Variants in C10orf90 observed in about 807,000 individuals in gnomAD.
C10orf90 encodes chromosome 10 open reading frame 90.
C10orf90 carries 56 observed loss-of-function variants against 62.5 expected under a neutral mutation model. That is an observed-to-expected ratio of 0.90 (90% CI 0.72 to 1.12). The LOEUF (loss-of-function observed/expected upper bound fraction) is 1.12. Ranked by LOEUF, C10orf90 falls within the 50% of genes most tolerant of loss-of-function variation. The pLI, the probability that C10orf90 is intolerant of heterozygous loss-of-function variation, is 0.00. For synonymous variants in C10orf90, 386 were observed against 340.4 expected (o/e 1.13, Z -1.47); for missense variants, 970 against 880.4 (o/e 1.10, Z -1.29).
rs147763254 is a variant in C10orf90, at chr10:126,616,191, C to G, written c.313+30374G>C. 3.1e-3 allele frequency among the ~76,000 whole-genome samples: 475 copies of G among 152,284 alleles called. 2 individuals carry two copies. Among genetic ancestry groups the G allele is most frequent in the South Asian group, 0.015 (73 of 4,822 alleles). On this transcript the variant is annotated intron_variant, in intron 2 of 9. Coordinates refer to ENST00000488181, the MANE Select transcript of C10orf90 (RefSeq NM_001350921.2). ...TTATCTGTTCTAGGTGTGGAATAAA[C>G]TGGTTCTGCAAATGTGCCTCCACAT...
intron 2 of C10orf90, among the ~76,000 whole-genome samples, chr10:126,592,737 A>G (rs1280000803): frequency 2.6e-5 from 4 of 152,220 alleles, no homozygotes; most frequent in Admixed American, 1.3e-4. Flanking sequence ...AAAAGAAACC[A>G]TCAGCAGAGT....
At chr10:126,571,998 C>T (rs777638281) in intron 2 of C10orf90, among the ~76,000 whole-genome samples, 4 of 152,080 alleles carry the variant, frequency 2.6e-5, no homozygotes, top group Non-Finnish European at 5.9e-5. Flanking sequence ...TGCCCTGGTC[C>T]GGCATCGATG....
chr10:126,588,613 TA>T (rs377042282), intron 2 of C10orf90, among the ~76,000 whole-genome samples: 110 of 152,010 alleles, frequency 7.2e-4, no homozygotes, highest in African/African-American at 2.6e-3. Context: ...GCCTGACTAT[TA>T]AAAGAAAAGA....
At chr10:126,661,841 G>A (rs991754929) in intron 1 of C10orf90, among the ~76,000 whole-genome samples, 3 of 151,746 alleles carry the variant, frequency 2.0e-5, no homozygotes, top group African/African-American at 4.8e-5. Context: ...GCCCCATTAT[G>A]GTGATGTCTT....
chr10:126,503,896 A>G, intron 4 of C10orf90, 61 bp downstream of exon 4: 1 of 1,534,064 alleles, frequency 6.5e-7, no homozygotes, highest in Non-Finnish European at 8.8e-7. Flanking sequence ...AATTCACTCA[A>G]CAGTCACCTT....
At chr10:126,550,841 G>T (rs546683341) in intron 2 of C10orf90, among the ~76,000 whole-genome samples, 1 of 152,222 alleles carries the variant, frequency 6.6e-6, no homozygotes, top group African/African-American at 2.4e-5. Context: ...AACTGCACAT[G>T]AACCTATAAT....
chr10:126,634,706 G>A (rs1845915408), intron 2 of C10orf90, among the ~76,000 whole-genome samples: 1 of 152,152 alleles, frequency 6.6e-6, no homozygotes, highest in Non-Finnish European at 1.5e-5. Context: ...TAAAAACAAT[G>A]CAAGGTAGGT....
chr10:126,560,352 C>G (rs1302498086), intron 2 of C10orf90, among the ~76,000 whole-genome samples: 3 of 152,208 alleles, frequency 2.0e-5, no homozygotes, highest in Admixed American at 1.3e-4. Context: ...AACTATTTCT[C>G]ACTTTGCTGA....
intron 2 of C10orf90, among the ~76,000 whole-genome samples, chr10:126,638,936 A>C (rs1846006708): frequency 6.6e-6 from 1 of 152,212 alleles, no homozygotes; most frequent in South Asian, 2.1e-4. Flanking sequence ...TAGAGCAGCA[A>C]TCCTTCCCTC....
At chr10:126,432,577 A>G (rs1224846653) in intron 7 of C10orf90, among the ~76,000 whole-genome samples, 2 of 152,210 alleles carry the variant, frequency 1.3e-5, no homozygotes, top group Admixed American at 6.5e-5. Flanking sequence ...AGGGGAGGAG[A>G]TATTTAAACC....
At chr10:126,599,728 G>T (rs1374659809) in intron 2 of C10orf90, among the ~76,000 whole-genome samples, 1 of 151,982 alleles carries the variant, frequency 6.6e-6, no homozygotes, top group Admixed American at 6.6e-5. Context: ...CCTTCCAATT[G>T]TTAATATTAA....
intron 2 of C10orf90, among the ~76,000 whole-genome samples, chr10:126,515,011 G>A (rs1863358519): frequency 1.3e-5 from 2 of 152,232 alleles, no homozygotes; most frequent in South Asian, 2.1e-4. Flanking sequence ...TGCAGGTGAT[G>A]AGAAAGAAGA....
At chr10:126,443,244 A>T (rs1858514967) in intron 7 of C10orf90, among the ~76,000 whole-genome samples, 5 of 152,172 alleles carry the variant, frequency 3.3e-5, no homozygotes, top group Admixed American at 3.3e-4. Flanking sequence ...TTTTTAAAAG[A>T]TAAATAAAAT....
At chr10:126,635,363 C>T (rs577788514) in intron 2 of C10orf90, among the ~76,000 whole-genome samples, 47 of 152,170 alleles carry the variant, frequency 3.1e-4, no homozygotes, top group African/African-American at 1.0e-3. Flanking sequence ...ATGGGGGGTG[C>T]GGGGAGAAGA....
chr10:126,559,723 C>A (rs1182953639), intron 2 of C10orf90, among the ~76,000 whole-genome samples: 1 of 152,174 alleles, frequency 6.6e-6, no homozygotes, highest in Non-Finnish European at 1.5e-5. Context: ...AAAAACCAAC[C>A]AAGAAACCTC....
chr10:126,520,282 C>T (rs1161455005), intron 2 of C10orf90: 1 of 152,248 alleles, frequency 6.6e-6, no homozygotes, highest in African/African-American at 2.4e-5. Context: ...CCTGCCAAAC[C>T]TTCTTGACAT....
At chr10:126,530,944 C>T (rs35506194) in intron 2 of C10orf90, among the ~76,000 whole-genome samples, 4,374 of 152,198 alleles carry the variant, frequency 0.029, 87 homozygotes, top group Non-Finnish European at 0.046. Flanking sequence ...GAGGCCATGG[C>T]AGGTGGATCA....
intron 7 of C10orf90, 66 bp from the exon 8 acceptor site, chr10:126,429,916 T>C (rs1008061630): frequency 8.9e-6 from 12 of 1,348,458 alleles, no homozygotes; most frequent in Non-Finnish European, 1.3e-5. Context: ...TAGAGAAACA[T>C]TGTGATTAGT....
In C10orf90 at chr10:126,594,299, C is replaced by T. The variant is rs74158840; in HGVS notation, c.313+52266G>A. 3.1e-3 allele frequency among the ~76,000 whole-genome samples: 477 copies of T among 152,022 alleles called. 4 individuals are homozygous for T. Among genetic ancestry groups the T allele is most frequent in the African/African-American group, 0.011 (459 of 41,456 alleles). On this transcript the variant is annotated intron_variant, in intron 2 of 9. Coordinates refer to ENST00000488181, the MANE Select transcript of C10orf90 (RefSeq NM_001350921.2). ...ACAAATCGTGTGTCTGTGTGTGTGTCCATACATGATTGTGTGATATATATG... is the reference window on the plus strand; with the variant it reads ...ACAAATCGTGTGTCTGTGTGTGTGTTCATACATGATTGTGTGATATATATG...
Sources: allele counts gnomAD v4.1 joint callset (sites outside exome capture counted in the v4.1 genomes callset), GRCh38; gene constraint gnomAD v4.1.1; transcripts MANE v1.5; gene names NCBI Gene and HGNC (gene_info 2026-07-23, HGNC 2026-07-21).